ZNF385D: variants seen among roughly 807,000 people sequenced by gnomAD.
ZNF385D encodes zinc finger protein 659.
A neutral mutation model predicts 35.8 loss-of-function variants in ZNF385D; 15 were observed. The ratio of observed to expected loss-of-function variants is 0.42; its 90% CI spans 0.28 to 0.64. The LOEUF (loss-of-function observed/expected upper bound fraction) is 0.64, where lower values mean the gene tolerates loss of function less well. ZNF385D is among the 30% of genes least tolerant of loss of function. The probability of loss-of-function intolerance (pLI) is 0.23; values close to 1 mark genes in which losing one functional copy is unlikely to be tolerated. For missense variants in ZNF385D, 474 were observed against 494.6 expected, an observed-to-expected ratio of 0.96 and a Z score of 0.39; for synonymous variants, 212 against 186.8, an observed-to-expected ratio of 1.13 and a Z score of -1.10.
At chr3:21,640,541 A>G (rs3936574) in intron 2 of ZNF385D, among the ~76,000 whole-genome samples, 12,940 of 152,038 alleles carry the variant, frequency 0.085, 617 homozygotes, top group East Asian at 0.16. Context: ...CCCCATGACA[A>G]GATTAGTGCC....
At chr3:21,517,207 A>G (rs1017070380) in intron 3 of ZNF385D, among the ~76,000 whole-genome samples, 1 of 152,098 alleles carries the variant, frequency 6.6e-6, no homozygotes, top group African/African-American at 2.4e-5. Flanking sequence ...TCAAAGTTAT[A>G]AAGACATATA....
intron 2 of ZNF385D, among the ~76,000 whole-genome samples, chr3:22,170,007 A>G (rs1034157962): frequency 6.6e-5 from 10 of 152,152 alleles, no homozygotes; most frequent in Admixed American, 2.0e-4. Context: ...TATATTTAAC[A>G]TCCATTCATA....
At chr3:22,236,871 G>A (rs941701140) in intron 2 of ZNF385D, among the ~76,000 whole-genome samples, 2 of 152,050 alleles carry the variant, frequency 1.3e-5, no homozygotes, top group Non-Finnish European at 2.9e-5. Context: ...ATTTCAATTT[G>A]ATTTATGGTT....
intron 2 of ZNF385D, among the ~76,000 whole-genome samples, chr3:22,356,041 A>T (rs746819252): frequency 6.6e-6 from 1 of 151,992 alleles, no homozygotes; most frequent in East Asian, 1.9e-4. Flanking sequence ...TAAAAAACCT[A>T]TGCAGAAAAA....
intron 4 of ZNF385D, among the ~76,000 whole-genome samples, chr3:21,471,999 A>G (rs898399355): frequency 1.3e-5 from 2 of 152,156 alleles, no homozygotes; most frequent in Non-Finnish European, 2.9e-5. Flanking sequence ...GTGAGGATTA[A>G]TTAGAACTAT....
intron 3 of ZNF385D, among the ~76,000 whole-genome samples, chr3:22,127,631 T>C (rs1281810879): frequency 6.6e-5 from 10 of 152,024 alleles, no homozygotes; most frequent in African/African-American, 2.4e-4. Flanking sequence ...TGAGCCACCG[T>C]GCCTGGCCCT....
chr3:21,758,995 A>C (rs901987793), intron 3 of ZNF385D, among the ~76,000 whole-genome samples: 10 of 148,292 alleles, frequency 6.7e-5, no homozygotes, highest in Non-Finnish European at 1.3e-4. Flanking sequence ...AAAAAAAAAA[A>C]AAAAAAAAAA....
At chr3:21,829,807 T>C (rs2670251) in intron 3 of ZNF385D, among the ~76,000 whole-genome samples, 136,782 of 151,626 alleles carry the variant, frequency 0.9, 61,915 homozygotes, top group African/African-American at 0.96. Flanking sequence ...GCAAAAGCTG[T>C]AATTACTTTT....
intron 3 of ZNF385D, among the ~76,000 whole-genome samples, chr3:21,971,249 A>C (rs2125341166): frequency 6.6e-6 from 1 of 152,238 alleles, no homozygotes; most frequent in Middle Eastern, 3.4e-3. Flanking sequence ...CCTAGCAAAA[A>C]TAATAACTAC....
intron 3 of ZNF385D, among the ~76,000 whole-genome samples, chr3:22,163,076 G>A (rs560654434): frequency 6.6e-6 from 1 of 152,136 alleles, no homozygotes; most frequent in Non-Finnish European, 1.5e-5. Flanking sequence ...TTTGAGGCAA[G>A]GAGCTGGGAC....
chr3:21,817,908 G>T (rs1029995398), intron 3 of ZNF385D, among the ~76,000 whole-genome samples: 3 of 152,182 alleles, frequency 2.0e-5, no homozygotes, highest in Non-Finnish European at 4.4e-5. Flanking sequence ...ACTCACAATA[G>T]CAAAGACTTG....
chr3:21,844,190 T>A, intron 3 of ZNF385D, among the ~76,000 whole-genome samples: 1 of 151,990 alleles, frequency 6.6e-6, no homozygotes. Context: ...TAAGATTTAG[T>A]ACATTTGTTT....
intron 2 of ZNF385D, among the ~76,000 whole-genome samples, chr3:22,358,800 C>G (rs1214766695): frequency 6.6e-6 from 1 of 151,644 alleles, no homozygotes; most frequent in African/African-American, 2.4e-5. Context: ...TTTACAGTAA[C>G]AGAGCTACCA....
intron 3 of ZNF385D, among the ~76,000 whole-genome samples, chr3:21,813,514 G>A (rs966204734): frequency 2.0e-5 from 3 of 152,164 alleles, no homozygotes; most frequent in African/African-American, 7.2e-5. Flanking sequence ...TAAATGACCT[G>A]ATGGAGCTGA....
At chr3:21,984,778 T>C (rs1317475338) in intron 3 of ZNF385D, among the ~76,000 whole-genome samples, 7 of 121,186 alleles carry the variant, frequency 5.8e-5, no homozygotes, top group Non-Finnish European at 1.3e-4. Context: ...TTTCACGATA[T>C]TGATTCTTCC....
Position 22,024,501 on chromosome 3 carries a change from T to C in ZNF385D, c.325+144316A>G, listed in dbSNP as rs1697419430. 2.0e-5 allele frequency among the ~76,000 whole-genome samples: 3 copies of C among 152,082 alleles called. No individual in the cohort carries two copies. The South Asian group carries it at 6.2e-4, about 32-fold the overall frequency. On this transcript the variant is annotated intron_variant, in intron 3 of 5. Transcript: ENST00000494108. Reference sequence around the variant, plus strand: ...TTAGACTCAAAAATGCTAAGGACTCTACTTCTAATAGTATGGAGAACTAAT... The same window carrying C: ...TTAGACTCAAAAATGCTAAGGACTCCACTTCTAATAGTATGGAGAACTAAT...
At chr3:22,261,190 C>A (rs988564768) in intron 2 of ZNF385D, among the ~76,000 whole-genome samples, 4 of 151,778 alleles carry the variant, frequency 2.6e-5, no homozygotes, top group Admixed American at 1.3e-4. Context: ...TCATCCATAC[C>A]CCACCAACAG....
chr3:21,963,971 G>A (rs1702739250), intron 3 of ZNF385D, among the ~76,000 whole-genome samples: 1 of 152,090 alleles, frequency 6.6e-6, no homozygotes, highest in African/African-American at 2.4e-5. Context: ...GGTACAAAAT[G>A]TCATGAAGAC....
intron 2 of ZNF385D, among the ~76,000 whole-genome samples, chr3:21,616,061 A>G (rs1270024410): frequency 6.6e-6 from 1 of 152,194 alleles, no homozygotes; most frequent in Non-Finnish European, 1.5e-5. Flanking sequence ...TTCAATTTAA[A>G]TAAGCTGAAA....
Sources: gnomAD v4.1 joint callset for allele counts (sites outside exome capture counted in the v4.1 genomes callset) on GRCh38, gnomAD v4.1.1 for gene constraint, MANE v1.5 for transcripts, NCBI Gene and HGNC (gene_info 2026-07-23, HGNC 2026-07-21) for gene names.